Variants in CDC42BPA observed in about 807,000 individuals in gnomAD.
The protein encoded by CDC42BPA is CDC42 binding protein kinase alpha.
In CDC42BPA, 80 loss-of-function variants were observed where a neutral mutation model predicts 223.5. That is an observed-to-expected ratio of 0.36 (90% CI 0.30 to 0.43). CDC42BPA has a LOEUF of 0.43. Ranked by LOEUF, CDC42BPA falls within the 20% of genes least tolerant of loss-of-function variation. CDC42BPA has a pLI of 1.00. For missense variants in CDC42BPA, 1,743 were observed against 2,099.9 expected (o/e 0.83, Z 3.32); for synonymous variants, 694 against 718.6 (o/e 0.97, Z 0.55).
chr1:227,234,428 T>C (rs968415848), intron 2 of CDC42BPA: 2 of 152,228 alleles, frequency 1.3e-5, no homozygotes. Flanking sequence ...ACAGAGTTCA[T>C]GTAGCTCTTC....
chr1:227,144,674 A>G (rs1306434562), intron 8 of CDC42BPA, among the ~76,000 whole-genome samples: 22 of 151,960 alleles, frequency 1.4e-4, no homozygotes, highest in Admixed American at 1.4e-3. Flanking sequence ...AATCTCATAT[A>G]ACCTAAAGGG....
chr1:227,018,582 T>C (rs1350147256), intron 32 of CDC42BPA, among the ~76,000 whole-genome samples: 4 of 152,172 alleles, frequency 2.6e-5, no homozygotes, highest in African/African-American at 9.7e-5. Context: ...TATGAACACA[T>C]TTATGACCAG....
intron 21 of CDC42BPA, chr1:227,068,773 A>G: frequency 2.2e-6 from 1 of 452,534 alleles, no homozygotes; most frequent in South Asian, 3.1e-5. Flanking sequence ...AATAAATCAA[A>G]AACTTTGTAA....
At chr1:227,059,550 T>C in intron 21 of CDC42BPA, 1 of 749,862 alleles carries the variant, frequency 1.3e-6, no homozygotes, top group Non-Finnish European at 2.2e-6. Context: ...AATGTACATG[T>C]ATTTTTAGGA....
chr1:227,030,339 T>C lies in CDC42BPA; in HGVS notation c.3838+69A>G, dbSNP rs887720700. ...AGCAAATCCTGCTCTTTGTAGAATT[T>C]AGAATCTACAGTTTAAATTTTTTTA... On this transcript the variant is annotated intron_variant, in intron 29 of 36. Transcript: ENST00000366766. The C allele has an allele frequency of 1.4e-5, 13 of 926,890 alleles. No individual in the cohort carries two copies. The African/African-American group carries it at 2.3e-4, about 16-fold the overall frequency. 57.4% of individuals were successfully genotyped at this position (926,890 alleles called of 1,614,324 possible). A position where few individuals can be genotyped will look rare whatever the true frequency, so the allele number is the denominator to read the frequency against.
intron 8 of CDC42BPA, among the ~76,000 whole-genome samples, chr1:227,145,059 C>A (rs113683534): frequency 0.014 from 2,069 of 152,300 alleles, 20 homozygotes; most frequent in Non-Finnish European, 0.02. Context: ...AGCAGTTTTT[C>A]ACAAATAAAT....
intron 9 of CDC42BPA, among the ~76,000 whole-genome samples, chr1:227,140,176 A>T (rs1571921685): frequency 6.6e-6 from 1 of 152,200 alleles, no homozygotes; most frequent in African/African-American, 2.4e-5. Context: ...TACAATTTAA[A>T]TAAAAATGCT....
intron 2 of CDC42BPA, among the ~76,000 whole-genome samples, chr1:227,230,523 A>G (rs1429042174): frequency 1.3e-5 from 2 of 152,064 alleles, no homozygotes; most frequent in African/African-American, 4.8e-5. Flanking sequence ...AATTTATTCC[A>G]TGTAGATCTT....
intron 17 of CDC42BPA, among the ~76,000 whole-genome samples, chr1:227,077,235 T>A (rs1218645793): frequency 6.6e-6 from 1 of 152,204 alleles, no homozygotes; most frequent in South Asian, 2.1e-4. Flanking sequence ...AAATTACTTC[T>A]CTTTGTTATC....
intron 14 of CDC42BPA, among the ~76,000 whole-genome samples, chr1:227,105,043 G>C (rs1337098674): frequency 1.3e-5 from 2 of 152,056 alleles, no homozygotes; most frequent in Non-Finnish European, 2.9e-5. Flanking sequence ...TTATTGAAAT[G>C]TGATTCACAT....
intron 6 of CDC42BPA, among the ~76,000 whole-genome samples, chr1:227,149,474 T>C (rs74429761): frequency 0.098 from 14,748 of 151,046 alleles, 883 homozygotes; most frequent in Middle Eastern, 0.16. Context: ...CTGTCTATTA[T>C]GAGTAACTCA....
intron 2 of CDC42BPA, among the ~76,000 whole-genome samples, chr1:227,214,281 C>T (rs1010263756): frequency 6.6e-6 from 1 of 151,384 alleles, no homozygotes; most frequent in African/African-American, 2.4e-5. Flanking sequence ...TTGGATCAGA[C>T]TGCAATAAAA....
rs756838979 is a variant in CDC42BPA, at chr1:226,994,957, C to T, written c.4999G>A (p.Ala1667Thr). Residue 1667 changes from alanine (A) to threonine (T), a missense_variant, in exon 36 of 37, where the codon GCA becomes ACA. Coordinates refer to ENST00000366766, the MANE Select transcript of CDC42BPA (RefSeq NM_001394014.1). The surrounding 1 kb of genome is among the most constrained non-coding windows in gnomAD (Gnocchi z 4.0). Reference sequence around the variant, plus strand: ...CCTCCAGAGAATTCCCTCTTTAATGCGCTGCCATTCTGTGCGGATGACCCT... The same window carrying T: ...CCTCCAGAGAATTCCCTCTTTAATGTGCTGCCATTCTGTGCGGATGACCCT... ...SARSSAQNGS[A>T]LKREFSGGSY... 1.2e-5 allele frequency: 20 copies of T among 1,613,900 alleles called. No homozygotes were observed. The East Asian group carries it at 1.6e-4, about 13-fold the overall frequency.
chr1:227,230,328 TCAGAAG>T (rs1677613958), intron 2 of CDC42BPA, among the ~76,000 whole-genome samples: 1 of 152,346 alleles, frequency 6.6e-6, no homozygotes, highest in Middle Eastern at 3.4e-3. Context: ...ATAATCAGAA[TCAGAAG>T]CTCCACATAA....
At chr1:227,251,627 T>C (rs369100603) in intron 2 of CDC42BPA, among the ~76,000 whole-genome samples, 22 of 152,218 alleles carry the variant, frequency 1.4e-4, no homozygotes, top group African/African-American at 3.6e-4. Flanking sequence ...AAAAACACTA[T>C]AGAGATCATG....
In CDC42BPA at chr1:227,026,064, A is replaced by C. The variant is rs749185793; in HGVS notation, c.4521T>G (p.Pro1507=). 11 of 1,575,008 alleles carry C rather than the reference A, an allele frequency of 7.0e-6. No homozygotes were observed. The South Asian group carries it at 1.2e-4, about 18-fold the overall frequency. The stretch of plus-strand genomic sequence containing the variant: ...TTTAATGTTAAATTACCTTTTTGAG[A>C]GGAAGAGTCTGAATCCATTCCATGG... ...VNSMEWIQTL[P]LKKVRPLNNE... Residue 1507 remains proline, a synonymous_variant, in exon 31 of 37, where the codon CCT becomes CCG. Transcript: ENST00000366766.
chr1:227,155,141 G>A (rs1410829498), intron 6 of CDC42BPA, among the ~76,000 whole-genome samples: 1 of 152,034 alleles, frequency 6.6e-6, no homozygotes, highest in African/African-American at 2.4e-5. Flanking sequence ...CCCACACAAA[G>A]TCAACAATCA....
At chr1:227,283,672 C>T (rs919174087) in intron 1 of CDC42BPA, among the ~76,000 whole-genome samples, 2 of 152,102 alleles carry the variant, frequency 1.3e-5, no homozygotes, top group African/African-American at 4.8e-5. Flanking sequence ...GGATACAATG[C>T]CCAGTATTTG....
At chr1:227,019,684 TATC>T (rs767813718) in intron 32 of CDC42BPA, among the ~76,000 whole-genome samples, 2 of 151,524 alleles carry the variant, frequency 1.3e-5, no homozygotes, top group African/African-American at 2.4e-5. Flanking sequence ...GACGTGAAAA[TATC>T]ATCAATCTCC....
Sources: gnomAD v4.1 joint callset for allele counts (sites outside exome capture counted in the v4.1 genomes callset) on GRCh38, gnomAD v4.1.1 for gene constraint, Gnocchi (gnomAD v3.1) non-coding constraint, MANE v1.5 for transcripts, NCBI Gene and HGNC (gene_info 2026-07-23, HGNC 2026-07-21) for gene names.